The following CRYBA1 variants were observed in gnomAD, a reference collection of about 807,000 sequenced individuals.
The protein encoded by CRYBA1 is beta-crystallin A3.
In CRYBA1, 25 loss-of-function variants were observed where a neutral mutation model predicts 36.2. That is an observed-to-expected ratio of 0.69 (90% CI 0.50 to 0.97). The LOEUF is 0.97. Ranked by LOEUF, CRYBA1 falls within the 50% of genes least tolerant of loss-of-function variation. The pLI, the probability that CRYBA1 is intolerant of heterozygous loss-of-function variation, is 0.00. For synonymous variants in CRYBA1, 111 were observed against 90.0 expected (o/e 1.23, Z -1.32); for missense variants, 224 against 276.3 (o/e 0.81, Z 1.34).
chr17:29,251,254 C>CT (rs1398265181), intron 3 of CRYBA1, among the ~76,000 whole-genome samples: 1 of 152,110 alleles, frequency 6.6e-6, no homozygotes, highest in Non-Finnish European at 1.5e-5. Context: ...TTTGGCTTCC[C>CT]TAGGCCACAC....
intron 1 of CRYBA1, 152 bp downstream of exon 1, chr17:29,247,046 T>C (rs2068905181): frequency 1.2e-6 from 1 of 860,200 alleles, no homozygotes; most frequent in African/African-American, 1.7e-5. Flanking sequence ...AGCCTTCTCT[T>C]GTCACCCCAA....
In CRYBA1 at chr17:29,254,401, G is replaced by A. The variant is rs1384164557; in HGVS notation, c.*52G>A. ...TTCCTCAAGCATGAGACCTTGCTAA[G>A]CACTCTAGAATAAGTTTTATGTTCT... is the stretch of plus-strand genomic sequence containing the variant. On this transcript the variant is annotated 3_prime_UTR_variant, in exon 6 of 6. Coordinates refer to ENST00000225387, the MANE Select transcript of CRYBA1 (RefSeq NM_005208.5). The A allele has an allele frequency of 2.5e-6, 4 of 1,585,712 alleles. No homozygotes were observed. Among genetic ancestry groups the A allele is most frequent in the South Asian group, 2.2e-5 (2 of 90,460 alleles).
At position 29,250,317 on chromosome 17, in the gene CRYBA1, G is replaced by A. The variant is rs1490255849; in HGVS notation, c.215+17G>A. On this transcript the variant is annotated intron_variant, in intron 3 of 5. Transcript: ENST00000225387. Reference sequence around the variant, plus strand: ...AAGTGGCGCGTGAGTATGGACTTCCGCAGAACCGCAGCCCCTTATTTCAGG... The same window carrying A: ...AAGTGGCGCGTGAGTATGGACTTCCACAGAACCGCAGCCCCTTATTTCAGG... The A allele has an allele frequency of 7.3e-6, 10 of 1,367,754 alleles. No homozygotes were observed. Among genetic ancestry groups the A allele is most frequent in the Middle Eastern group, 1.8e-4 (1 of 5,458 alleles). 84.7% of individuals were successfully genotyped at this position (1,367,754 alleles called of 1,614,324 possible). A position where few individuals can be genotyped will look rare whatever the true frequency, so the allele number is the denominator to read the frequency against.
chr17:29,254,069 C>T (rs2068953000), intron 5 of CRYBA1, 133 bp from the exon 6 acceptor site: 1 of 1,000,678 alleles, frequency 1.0e-6, no homozygotes, highest in East Asian at 2.5e-5. Flanking sequence ...GTGCCTGACA[C>T]ATTTAGGATG....
intron 1 of CRYBA1, among the ~76,000 whole-genome samples, chr17:29,247,352 T>C (rs1555546632): frequency 6.6e-6 from 1 of 152,228 alleles, no homozygotes; most frequent in Non-Finnish European, 1.5e-5. Context: ...GCTCTGTCCT[T>C]CCTTTTTTAA....
chr17:29,248,023 G>GGA (rs1452321751), intron 1 of CRYBA1, among the ~76,000 whole-genome samples: 4 of 152,196 alleles, frequency 2.6e-5, no homozygotes, highest in African/African-American at 9.6e-5. Context: ...GGCTGAGACA[G>GGA]GAGAATCGCT....
At chr17:29,250,099 G>A (rs1289429426) in intron 2 of CRYBA1, 83 bp from the exon 3 acceptor site, 5 of 827,852 alleles carry the variant, frequency 6.0e-6, no homozygotes, top group Non-Finnish European at 1.1e-5. Flanking sequence ...AAAGCACAGA[G>A]TCAGACTGAA....
intron 4 of CRYBA1, 49 bp from the exon 5 acceptor site, chr17:29,253,591 T>C (rs1001699075): frequency 4.8e-6 from 7 of 1,451,058 alleles, no homozygotes; most frequent in African/African-American, 2.8e-5. Flanking sequence ...TGAAGAATGA[T>C]AGCCATAGCA....
In CRYBA1 at chr17:29,252,133, C is replaced by T; in HGVS notation, c.285C>T (p.Arg95=). 6.2e-7 allele frequency: 1 copy of T among 1,614,136 alleles called. No homozygotes were observed. Among genetic ancestry groups the T allele is most frequent in the South Asian group, 1.1e-5 (1 of 91,066 alleles). Residue 95 remains arginine (R), a synonymous_variant, in exon 4 of 6, where the codon CGC becomes CGT. Coordinates refer to ENST00000225387, the MANE Select transcript of CRYBA1 (RefSeq NM_005208.5). The stretch of plus-strand genomic sequence containing the variant: ...TCCTGGAGAGAGGAGAATACCCTCG[C>T]TGGGATGCCTGGAGTGGGAGTAATG... The part of the protein sequence containing the change: ...QFILERGEYP[R]WDAWSGSNAY...
chr17:29,248,873 C>T (rs897102555), intron 1 of CRYBA1, among the ~76,000 whole-genome samples: 2 of 151,854 alleles, frequency 1.3e-5, no homozygotes, highest in South Asian at 2.1e-4. Context: ...GAGGCTGAGG[C>T]GGAAGGATCA....
intron 2 of CRYBA1, 51 bp downstream of exon 2, chr17:29,249,257 G>A: frequency 1.6e-6 from 2 of 1,277,234 alleles, no homozygotes; most frequent in Admixed American, 1.7e-5. Context: ...ATGCTGCACA[G>A]AGCAGGCCCC....
At chr17:29,254,164 A>G in intron 5 of CRYBA1, 38 bp from the exon 6 acceptor site, 1 of 1,611,116 alleles carries the variant, frequency 6.2e-7, no homozygotes, top group Non-Finnish European at 8.5e-7. Flanking sequence ...CAGATTCCTA[A>G]TTAGTTTTAA....
intron 1 of CRYBA1, among the ~76,000 whole-genome samples, chr17:29,248,660 C>T (rs1156659614): frequency 2.0e-5 from 3 of 151,928 alleles, no homozygotes; most frequent in Non-Finnish European, 2.9e-5. Flanking sequence ...CCACCGTGCC[C>T]GGCCTATTAT....
rs780022667 is a variant in CRYBA1 at position 29,250,324 on chromosome 17, C to T, written c.215+24C>T. ...GCGTGAGTATGGACTTCCGCAGAAC[C>T]GCAGCCCCTTATTTCAGGTCCCTTC... On this transcript the variant is annotated intron_variant, in intron 3 of 5. Transcript: ENST00000225387. 29 of 1,329,368 alleles carry T rather than the reference C, an allele frequency of 2.2e-5. No individual in the cohort carries two copies. In the South Asian group the frequency reaches 2.7e-4, roughly 12 times the overall value. 82.3% of individuals were successfully genotyped at this position (1,329,368 alleles called of 1,614,324 possible).
chr17:29,247,632 C>T (rs2068908644), intron 1 of CRYBA1, among the ~76,000 whole-genome samples: 1 of 152,236 alleles, frequency 6.6e-6, no homozygotes, highest in South Asian at 2.1e-4. Flanking sequence ...CAGCACGATG[C>T]TATACCAATC....
chr17:29,248,085 C>T (rs558989354), intron 1 of CRYBA1, among the ~76,000 whole-genome samples: 17 of 151,044 alleles, frequency 1.1e-4, no homozygotes, highest in African/African-American at 3.9e-4. Context: ...CATTGCACTC[C>T]AGCCTGGGCA....
chr17:29,254,421 T>C lies in CRYBA1; in HGVS notation c.*72T>C, dbSNP rs1598426247. 6.7e-7 allele frequency: 1 copy of C among 1,496,958 alleles called. No individual in the cohort carries two copies. Among genetic ancestry groups the C allele is most frequent in the Non-Finnish European group, 9.3e-7 (1 of 1,074,418 alleles). 92.7% of individuals were successfully genotyped at this position (1,496,958 alleles called of 1,614,324 possible). ...GCTAAGCACTCTAGAATAAGTTTTA[T>C]GTTCTGCTCACAGACATTGCTTTCA... On this transcript the variant is annotated 3_prime_UTR_variant, in exon 6 of 6. Coordinates refer to ENST00000225387, the MANE Select transcript of CRYBA1 (RefSeq NM_005208.5).
At chr17:29,248,112 A>G (rs538088927) in intron 1 of CRYBA1, among the ~76,000 whole-genome samples, 3 of 151,126 alleles carry the variant, frequency 2.0e-5, no homozygotes, top group South Asian at 2.1e-4. Flanking sequence ...GTGAAACTCT[A>G]TCTCAAAAAA....
At chr17:29,251,667 C>T (rs767970934) in intron 3 of CRYBA1, among the ~76,000 whole-genome samples, 2 of 152,000 alleles carry the variant, frequency 1.3e-5, no homozygotes, top group Non-Finnish European at 2.9e-5. Flanking sequence ...GTTTTGTAGA[C>T]GGGGTTTCGC....
Sources: gnomAD v4.1 joint callset for allele counts (sites outside exome capture counted in the v4.1 genomes callset) on GRCh38, gnomAD v4.1.1 for gene constraint, MANE v1.5 for transcripts, NCBI Gene and HGNC (gene_info 2026-07-23, HGNC 2026-07-21) for gene names.